The following KIF5C variants were observed in gnomAD, a reference collection of about 807,000 sequenced individuals.
KIF5C encodes the protein kinesin heavy chain isoform 5C.
KIF5C carries 18 observed loss-of-function variants against 125.2 expected under a neutral mutation model. That is an observed-to-expected ratio of 0.14 (90% confidence interval 0.10 to 0.21). The LOEUF is 0.21. KIF5C is among the 10% of genes least tolerant of loss of function. The pLI, the probability that KIF5C is intolerant of heterozygous loss-of-function variation, is 1.00. For missense variants in KIF5C, 780 were observed against 1,183.8 expected (o/e 0.66, Z 5.01); for synonymous variants, 405 against 434.0 (o/e 0.93, Z 0.83).
At chr2:149,021,365 G>A (rs1479042645) in intron 25 of KIF5C, among the ~76,000 whole-genome samples, 1 of 151,974 alleles carries the variant, frequency 6.6e-6, no homozygotes, top group Non-Finnish European at 1.5e-5. Context: ...ACTGCACTTG[G>A]CCAAGAGGTG....
chr2:148,983,317 A>T (rs570329706), intron 14 of KIF5C, among the ~76,000 whole-genome samples: 58 of 152,222 alleles, frequency 3.8e-4, no homozygotes, highest in Non-Finnish European at 7.1e-4. Flanking sequence ...AAGTAGGAAG[A>T]TGCAATTACA....
chr2:148,990,996 C>T lies in KIF5C; in HGVS notation c.1717-14C>T. ...TTGTGGGCAACATTTGAGTGTGTCCCCTTCTTTGCTCAGTTGGCAGATGTG... is the reference window on the plus strand; with the variant it reads ...TTGTGGGCAACATTTGAGTGTGTCCTCTTCTTTGCTCAGTTGGCAGATGTG... On this transcript the variant is annotated splice_polypyrimidine_tract_variant and intron_variant, in intron 15 of 25. Coordinates refer to ENST00000435030, the MANE Select transcript of KIF5C (RefSeq NM_004522.3). 6 of 1,609,720 alleles carry T rather than the reference C, an allele frequency of 3.7e-6. No homozygotes were observed. The highest frequency in any genetic ancestry group is 5.1e-6 in the Non-Finnish European group (6 of 1,177,252).
At chr2:148,877,053 A>C (rs956561044) in intron 1 of KIF5C, among the ~76,000 whole-genome samples, 4 of 152,224 alleles carry the variant, frequency 2.6e-5, no homozygotes, top group Admixed American at 2.0e-4. Flanking sequence ...CTCAAGCGCC[A>C]GAGGCCGACG....
At chr2:148,882,813 TC>T (rs1236080562) in intron 1 of KIF5C, among the ~76,000 whole-genome samples, 1 of 152,166 alleles carries the variant, frequency 6.6e-6, no homozygotes, top group Non-Finnish European at 1.5e-5. Flanking sequence ...ACTTTGCCCT[TC>T]CCCAGTAGAG....
intron 1 of KIF5C, among the ~76,000 whole-genome samples, chr2:148,899,605 A>T (rs1056292881): frequency 3.4e-5 from 5 of 146,668 alleles, no homozygotes; most frequent in Non-Finnish European, 7.5e-5. Context: ...TGGGAGGCTG[A>T]GGCAGGAGAA....
chr2:148,942,615 CA>C, intron 6 of KIF5C, 57 bp from the exon 7 acceptor site: 5 of 1,556,050 alleles, frequency 3.2e-6, no homozygotes, highest in Non-Finnish European at 1.7e-6. Context: ...TTCAGCCTTT[CA>C]AAATATTGTT....
intron 1 of KIF5C, among the ~76,000 whole-genome samples, chr2:148,887,527 G>T (rs1485750735): frequency 1.3e-5 from 2 of 152,078 alleles, no homozygotes; most frequent in African/African-American, 4.8e-5. Flanking sequence ...AAATCGCTTC[G>T]TATCAGTGCC....
chr2:148,989,730 ATAAT>A (rs1469817508), intron 15 of KIF5C, among the ~76,000 whole-genome samples: 1 of 152,154 alleles, frequency 6.6e-6, no homozygotes, highest in African/African-American at 2.4e-5. Context: ...CATTTCACTG[ATAAT>A]TAATGATGTT....
rs546432679 is a variant in KIF5C at position 148,904,267 on chromosome 2, C to T, written c.127-17870C>T. 6.8e-4 allele frequency among the ~76,000 whole-genome samples: 104 copies of T among 152,296 alleles called. 1 individual carries two copies. Among genetic ancestry groups the T allele is most frequent in the Admixed American group, 2.0e-3 (30 of 15,304 alleles). On this transcript the variant is annotated intron_variant, in intron 1 of 25. Transcript: ENST00000435030. ...GTTTAAAATTGCTGTGTCTCAGCAT[C>T]GGGGGAGCACAAGCGTTAAGAGCAC...
At chr2:148,999,598 T>C (rs577573737) in intron 19 of KIF5C, among the ~76,000 whole-genome samples, 87 of 152,352 alleles carry the variant, frequency 5.7e-4, no homozygotes, top group South Asian at 1.9e-3. Flanking sequence ...CATGTTGTGC[T>C]TTTCCCCTTC....
At position 149,025,478 on chromosome 2, in the gene KIF5C, A is replaced by G. The variant is rs1473206254; in HGVS notation, c.*2408A>G. On this transcript the variant is annotated 3_prime_UTR_variant, in exon 26 of 26. Coordinates refer to ENST00000435030, the MANE Select transcript of KIF5C (RefSeq NM_004522.3). ...GTAGGCCACTTTCTAAAAAAGCCAC[A>G]TATGTGCAATTTTCAGGTTTTTAGA... The G allele has an allele frequency of 6.6e-6, 1 of 152,624 alleles. No homozygotes were observed. The highest frequency in any genetic ancestry group is 1.5e-5 in the Non-Finnish European group (1 of 68,042). 9.5% of individuals were successfully genotyped at this position (152,624 alleles called of 1,614,324 possible). A position where few individuals can be genotyped will look rare whatever the true frequency, so the allele number is the denominator to read the frequency against.
At chr2:148,888,799 A>G (rs1681626496) in intron 1 of KIF5C, 1 of 152,004 alleles carries the variant, frequency 6.6e-6, no homozygotes, top group Non-Finnish European at 1.5e-5. Context: ...AAAAAAAAAA[A>G]AGTATATCCA....
chr2:148,963,361 C>T (rs1682974918), intron 11 of KIF5C, among the ~76,000 whole-genome samples: 1 of 151,980 alleles, frequency 6.6e-6, no homozygotes, highest in Non-Finnish European at 1.5e-5. Context: ...GTAACTGCAG[C>T]AGATTGTCTT....
chr2:148,886,315 T>A (rs970625055), intron 1 of KIF5C: 1 of 152,506 alleles, frequency 6.6e-6, no homozygotes, highest in Non-Finnish European at 1.5e-5. Flanking sequence ...CAGGGCCGAC[T>A]TTTTTCTCTC....
rs368227670 is a variant in KIF5C, at chr2:148,961,927, T to A, written c.969-44T>A. Reference sequence around the variant, plus strand: ...GGCTTAATCATATTGGTTTAGCTAATGGTAATAATTAGCTGAATTGTCCCC... The same window carrying A: ...GGCTTAATCATATTGGTTTAGCTAAAGGTAATAATTAGCTGAATTGTCCCC... On this transcript the variant is annotated intron_variant, in intron 10 of 25. Transcript: ENST00000435030. 312 of 1,588,014 alleles carry A rather than the reference T, an allele frequency of 2.0e-4. 2 individuals carry two copies. The highest frequency in any genetic ancestry group is 2.4e-4 in the Non-Finnish European group (284 of 1,169,842).
chr2:148,903,154 C>A (rs1680970245), intron 1 of KIF5C, among the ~76,000 whole-genome samples: 1 of 152,102 alleles, frequency 6.6e-6, no homozygotes, highest in Non-Finnish European at 1.5e-5. Flanking sequence ...GATAGTCCTA[C>A]CCTAGATTTC....
chr2:148,926,871 A>T (rs1412423206), intron 2 of KIF5C, among the ~76,000 whole-genome samples: 3 of 152,212 alleles, frequency 2.0e-5, no homozygotes, highest in Non-Finnish European at 4.4e-5. Flanking sequence ...TGCAGCAGTG[A>T]ATGAACTGTA....
chr2:148,958,486 G>A (rs945278266), intron 10 of KIF5C, among the ~76,000 whole-genome samples: 6 of 152,108 alleles, frequency 3.9e-5, no homozygotes, highest in African/African-American at 1.2e-4. Context: ...CTTTTATAAA[G>A]TGCCTGTTCC....
rs890506265 is a variant in KIF5C, at chr2:148,975,263, T to C, written c.1293+1752T>C. On this transcript the variant is annotated intron_variant, in intron 12 of 25. Coordinates refer to ENST00000435030, the MANE Select transcript of KIF5C (RefSeq NM_004522.3). ...ACCCTTCCCAAAGACTGCCTGATTA[T>C]GTCTTACCAACTGTCATTCTTAGGG... is the stretch of plus-strand genomic sequence containing the variant. Among the ~76,000 whole-genome samples the C allele has an allele frequency of 2.6e-5, 4 of 152,200 alleles. No individual in the cohort carries two copies. In the East Asian group the frequency reaches 7.7e-4, roughly 29 times the overall value.
Sources: gnomAD v4.1 joint callset for allele counts (sites outside exome capture counted in the v4.1 genomes callset) on GRCh38, gnomAD v4.1.1 for gene constraint, MANE v1.5 for transcripts, NCBI Gene and HGNC (gene_info 2026-07-23, HGNC 2026-07-21) for gene names.